The following TRIM33 variants were observed in gnomAD, a reference collection of about 807,000 sequenced individuals.
TRIM33 encodes the protein tripartite motif containing 33, also known as E3 ubiquitin-protein ligase TRIM33.
In TRIM33, 20 loss-of-function variants were observed where a neutral mutation model predicts 125.4. The observed-to-expected ratio is 0.16, with a 90% CI of 0.11 to 0.23. The LOEUF (loss-of-function observed/expected upper bound fraction) is 0.23. Among genes scored for constraint, TRIM33 ranks in the 10% least tolerant of loss-of-function variants. The pLI is 1.00. For synonymous variants in TRIM33, 564 were observed against 513.9 expected (o/e 1.10, Z -1.32); for missense variants, 920 against 1,411.4 (o/e 0.65, Z 5.58).
intron 9 of TRIM33, among the ~76,000 whole-genome samples, chr1:114,425,171 C>G (rs549793804): frequency 5.3e-5 from 8 of 152,200 alleles, no homozygotes; most frequent in African/African-American, 1.9e-4. Flanking sequence ...CAAAATTATA[C>G]GTGGAAAACA....
chr1:114,488,637 G>A (rs899133820), intron 1 of TRIM33, among the ~76,000 whole-genome samples: 3 of 151,932 alleles, frequency 2.0e-5, no homozygotes, highest in African/African-American at 7.3e-5. Context: ...GGTGGCATGC[G>A]GCTGCAGTCC....
intron 16 of TRIM33, among the ~76,000 whole-genome samples, chr1:114,401,962 C>G (rs1651922030): frequency 6.6e-6 from 1 of 152,166 alleles, no homozygotes; most frequent in South Asian, 2.1e-4. Flanking sequence ...TTTACATTCA[C>G]AGTCTTCTAT....
At chr1:114,480,954 T>C (rs1189719311) in intron 1 of TRIM33, among the ~76,000 whole-genome samples, 2 of 152,056 alleles carry the variant, frequency 1.3e-5, no homozygotes, top group Non-Finnish European at 2.9e-5. Flanking sequence ...AAAAAGATTC[T>C]TGGAGTCCGG....
Position 114,401,478 on chromosome 1 carries a change from G to C in TRIM33, c.2893-15C>G. Reference sequence around the variant, plus strand: ...CGTTCACATTTCTGGCCCAAACAAGGAAAGGAAAGCACATGAAATATTTTT... The same window carrying C: ...CGTTCACATTTCTGGCCCAAACAAGCAAAGGAAAGCACATGAAATATTTTT... On this transcript the variant is annotated splice_polypyrimidine_tract_variant and intron_variant, in intron 16 of 19. Transcript: ENST00000358465. 1 of 1,604,614 alleles carries C rather than the reference G, an allele frequency of 6.2e-7. No individual in the cohort carries two copies.
chr1:114,440,179 T>G (rs1008738477), intron 4 of TRIM33, among the ~76,000 whole-genome samples: 2 of 152,070 alleles, frequency 1.3e-5, no homozygotes, highest in Non-Finnish European at 2.9e-5. Flanking sequence ...CCTCAGAAGT[T>G]GTATCCACAA....
At chr1:114,448,468 A>G (rs978506557) in intron 4 of TRIM33, among the ~76,000 whole-genome samples, 2 of 152,224 alleles carry the variant, frequency 1.3e-5, no homozygotes, top group African/African-American at 4.8e-5. Context: ...GGAAGTGGTC[A>G]GGAATTGAGA....
At chr1:114,414,328 G>C (rs1051495285) in intron 11 of TRIM33, among the ~76,000 whole-genome samples, 1 of 151,966 alleles carries the variant, frequency 6.6e-6, no homozygotes, top group Non-Finnish European at 1.5e-5. Flanking sequence ...CTGAGTTTAG[G>C]ATAAAATCCA....
intron 10 of TRIM33, among the ~76,000 whole-genome samples, chr1:114,422,371 AG>A (rs1647257760): frequency 1.3e-5 from 2 of 152,300 alleles, no homozygotes; most frequent in African/African-American, 4.8e-5. Context: ...CGCTCTGACA[AG>A]GTGTACTTGG....
At chr1:114,436,034 T>C (rs1648268970) in intron 4 of TRIM33, among the ~76,000 whole-genome samples, 1 of 151,480 alleles carries the variant, frequency 6.6e-6, no homozygotes, top group Non-Finnish European at 1.5e-5. Context: ...CAGCCCAATT[T>C]AACCATTTTT....
chr1:114,404,870 T>C (rs908205559), intron 15 of TRIM33: 3 of 150,378 alleles, frequency 2.0e-5, no homozygotes, highest in East Asian at 2.0e-4. Flanking sequence ...CCAAGAATAC[T>C]GACTTACTTT....
intron 18 of TRIM33, among the ~76,000 whole-genome samples, chr1:114,398,965 A>G (rs1218111628): frequency 6.6e-6 from 1 of 151,318 alleles, no homozygotes; most frequent in East Asian, 1.9e-4. Flanking sequence ...CAAAAAACAT[A>G]ACCAAAATTA....
intron 1 of TRIM33, among the ~76,000 whole-genome samples, chr1:114,484,959 C>T (rs1001774288): frequency 6.6e-6 from 1 of 151,128 alleles, no homozygotes; most frequent in Non-Finnish European, 1.5e-5. Context: ...GGCTGAGACA[C>T]GAAAATCACT....
At chr1:114,441,405 C>T (rs1161962436) in intron 4 of TRIM33, among the ~76,000 whole-genome samples, 1 of 152,150 alleles carries the variant, frequency 6.6e-6, no homozygotes, top group East Asian at 1.9e-4. Context: ...AAAATAAGGT[C>T]CTGTTCTTCC....
chr1:114,437,268 A>G (rs1459981872), intron 4 of TRIM33, among the ~76,000 whole-genome samples: 1 of 152,238 alleles, frequency 6.6e-6, no homozygotes, highest in Non-Finnish European at 1.5e-5. Flanking sequence ...CAAATGAACT[A>G]AATGTAGTTT....
chr1:114,466,026 G>A (rs1650277544), intron 1 of TRIM33, among the ~76,000 whole-genome samples: 1 of 151,328 alleles, frequency 6.6e-6, no homozygotes, highest in Non-Finnish European at 1.5e-5. Context: ...TTGGGCGACA[G>A]AGAGACTCGG....
intron 14 of TRIM33, among the ~76,000 whole-genome samples, chr1:114,406,614 T>C (rs948573457): frequency 6.6e-6 from 1 of 152,198 alleles, no homozygotes; most frequent in African/African-American, 2.4e-5. Flanking sequence ...AGATCTTTTG[T>C]GGCCTGAGAT....
chr1:114,497,581 G>A (rs549344434), intron 1 of TRIM33, among the ~76,000 whole-genome samples: 8 of 152,282 alleles, frequency 5.3e-5, no homozygotes, highest in Middle Eastern at 3.4e-3. Flanking sequence ...GATTACAGGC[G>A]TAAGCCACCC....
intron 1 of TRIM33, among the ~76,000 whole-genome samples, chr1:114,492,832 T>G (rs1652150974): frequency 6.6e-6 from 1 of 152,256 alleles, no homozygotes; most frequent in East Asian, 1.9e-4. Flanking sequence ...TAACATTATT[T>G]CCACCTTTTG....
rs1447449375 is a variant in TRIM33 at position 114,433,673 on chromosome 1, C to T, written c.984G>A (p.Ala328=). The T allele has an allele frequency of 6.2e-6, 10 of 1,612,476 alleles. No homozygotes were observed. Among genetic ancestry groups the T allele is most frequent in the East Asian group, 2.2e-5 (1 of 44,790 alleles). Reference sequence around the variant, plus strand: ...CATAATTCTTCTTCTCAAGAAGTTTCGCCAGTAGATTCTCAATTGCACCCT... The same window carrying T: ...CATAATTCTTCTTCTCAAGAAGTTTTGCCAGTAGATTCTCAATTGCACCCT... ...NQKGAIENLL[A]KLLEKKNYVH... Residue 328 remains alanine (A), a synonymous_variant, in exon 5 of 20, where the codon GCG becomes GCA. Coordinates refer to ENST00000358465, the MANE Select transcript of TRIM33 (RefSeq NM_015906.4).
Sources: gnomAD v4.1 joint callset for allele counts (sites outside exome capture counted in the v4.1 genomes callset) on GRCh38, gnomAD v4.1.1 for gene constraint, MANE v1.5 for transcripts, NCBI Gene and HGNC (gene_info 2026-07-23, HGNC 2026-07-21) for gene names.